Variants in ABL1 observed in about 807,000 individuals in gnomAD.
The protein encoded by ABL1 is tyrosine-protein kinase ABL1.
Under a neutral mutation model 94.7 loss-of-function variants are expected in ABL1, and 11 were observed. The observed-to-expected ratio is 0.12, with a 90% CI of 0.07 to 0.19. The LOEUF (loss-of-function observed/expected upper bound fraction) is 0.19. ABL1 is among the 10% of genes least tolerant of loss of function. The pLI is 1.00. For missense variants in ABL1, 1,082 were observed against 1,489.4 expected (o/e 0.73, Z 4.50); for synonymous variants, 656 against 622.4 (o/e 1.05, Z -0.80).
rs536319469 is a variant in ABL1 at position 130,780,200 on chromosome 9, T to A, written c.136+65745T>A. Reference sequence around the variant, plus strand: ...TACTCTGGAGGCTGAGGCAGGAGAATCGCTTGAACCCAGGCAGCAGAGGTT... The same window carrying A: ...TACTCTGGAGGCTGAGGCAGGAGAAACGCTTGAACCCAGGCAGCAGAGGTT... On this transcript the variant is annotated intron_variant, in intron 1 of 10. Transcript: ENST00000372348. 1.9e-3 allele frequency among the ~76,000 whole-genome samples: 292 copies of A among 152,194 alleles called. 4 individuals are homozygous for A. Among genetic ancestry groups the A allele is most frequent in the Non-Finnish European group, 6.3e-4 (43 of 68,002 alleles).
intron 1 of ABL1, among the ~76,000 whole-genome samples, chr9:130,754,996 G>A (rs1400357397): frequency 6.6e-6 from 1 of 152,160 alleles, no homozygotes; most frequent in Non-Finnish European, 1.5e-5. Context: ...TGAGTACCAA[G>A]CCAAAGATTT....
chr9:130,822,832 C>G (rs1042751593), intron 1 of ABL1, among the ~76,000 whole-genome samples: 7 of 151,602 alleles, frequency 4.6e-5, no homozygotes, highest in East Asian at 3.9e-4. Flanking sequence ...GAGTCTCGCT[C>G]TGTCACCCAG....
chr9:130,730,100 A>G (rs1277421887), intron 1 of ABL1, among the ~76,000 whole-genome samples: 18 of 133,326 alleles, frequency 1.4e-4, no homozygotes, highest in Admixed American at 3.3e-4. Flanking sequence ...CTGGAGTGCA[A>G]TGGTGCAATC....
chr9:130,810,026 A>G lies in ABL1; in HGVS notation c.137-44038A>G, dbSNP rs182249732. On this transcript the variant is annotated intron_variant, in intron 1 of 10. Coordinates refer to the ABL1 transcript ENST00000372348. ...AGGACCGAGTGTGGTAAAATGCACA[A>G]TGTTTACCAGCCATTCCAGAATTAC... 5.2e-4 allele frequency among the ~76,000 whole-genome samples: 79 copies of G among 152,342 alleles called. 1 individual carries two copies. Among genetic ancestry groups the G allele is most frequent in the African/African-American group, 1.6e-3 (67 of 41,580 alleles).
At chr9:130,832,910 A>T (rs1434438616), upstream of ABL1, among the ~76,000 whole-genome samples, 1 of 152,208 alleles carries the variant, frequency 6.6e-6, no homozygotes, top group Non-Finnish European at 1.5e-5. Context: ...ACAGAAGTGT[A>T]GTTTGGCAGT....
chr9:130,771,144 C>A (rs1832246117), intron 1 of ABL1, among the ~76,000 whole-genome samples: 1 of 152,218 alleles, frequency 6.6e-6, no homozygotes, highest in African/African-American at 2.4e-5. Context: ...CATGGTGGTG[C>A]TCCCTTCAAA....
chr9:130,797,322 T>TCAAAG (rs1829992810), intron 1 of ABL1, among the ~76,000 whole-genome samples: 1 of 150,634 alleles, frequency 6.6e-6, no homozygotes. Flanking sequence ...TTCTTGTCTT[T>TCAAAG]GGAGAACTTA....
intron 1 of ABL1, among the ~76,000 whole-genome samples, chr9:130,743,696 C>T (rs1388523489): frequency 6.6e-6 from 1 of 152,094 alleles, no homozygotes; most frequent in Non-Finnish European, 1.5e-5. Context: ...AAGTGGGTTT[C>T]CTAGGGCTAT....
chr9:130,771,524 C>G (rs1408719280), intron 1 of ABL1, among the ~76,000 whole-genome samples: 2 of 151,890 alleles, frequency 1.3e-5, no homozygotes, highest in Non-Finnish European at 2.9e-5. Context: ...TTTAAGTGTT[C>G]CAAATATCTT....
In ABL1 at chr9:130,835,455, G is replaced by C; in HGVS notation, c.9G>C (p.Glu3Asp). The change falls in exon 1 of 11, where the codon GAG (glutamate) becomes GAC (aspartate). Residue 3 changes from glutamate (E) to aspartate (D), a missense_variant. By Grantham distance (45) the Glu-to-Asp change is conservative (BLOSUM62 2). Coordinates refer to ENST00000318560, the MANE Select transcript of ABL1 (RefSeq NM_005157.6). This position sits in a 1 kb window ranked among gnomAD's most constrained non-coding sequence, Gnocchi z 4.6. MLEICLKLVGCKS... is the reference protein window; with the variant it reads MLDICLKLVGCKS... ...CGTGCTGGCGCGGGAAAATGTTGGA[G>C]ATCTGCCTGAAGCTGGTGGGCTGCA... The C allele has an allele frequency of 6.4e-7, 1 of 1,557,852 alleles. No individual in the cohort carries two copies. The highest frequency in any genetic ancestry group is 8.7e-7 in the Non-Finnish European group (1 of 1,150,050).
chr9:130,793,566 A>G (rs368454821), intron 1 of ABL1, among the ~76,000 whole-genome samples: 2 of 152,354 alleles, frequency 1.3e-5, no homozygotes, highest in Admixed American at 6.5e-5. Flanking sequence ...GAGTCTGTGC[A>G]AGCTGTGTCG....
chr9:130,721,235 C>T (rs11788172), intron 1 of ABL1, among the ~76,000 whole-genome samples: 9 of 151,646 alleles, frequency 5.9e-5, no homozygotes, highest in African/African-American at 9.7e-5. Context: ...AAAAATTAGT[C>T]GGCATGGTGG....
chr9:130,789,319 T>C (rs1385423767), intron 1 of ABL1, among the ~76,000 whole-genome samples: 2 of 152,250 alleles, frequency 1.3e-5, no homozygotes, highest in East Asian at 3.8e-4. Flanking sequence ...AACTTGTGGC[T>C]GCTGACCAGC....
At chr9:130,745,359 C>G (rs1423815981) in intron 1 of ABL1, among the ~76,000 whole-genome samples, 1 of 151,934 alleles carries the variant, frequency 6.6e-6, no homozygotes, top group African/African-American at 2.4e-5. Flanking sequence ...GCTGGGATTA[C>G]AGGCGTGAGT....
chr9:130,859,872 G>A (rs561844245), intron 3 of ABL1, among the ~76,000 whole-genome samples: 1 of 151,572 alleles, frequency 6.6e-6, no homozygotes, highest in African/African-American at 2.4e-5. Flanking sequence ...GTAGAGATGG[G>A]GTTTCACCAT....
At chr9:130,873,085 A>C (rs777375114) in intron 6 of ABL1, 48 bp downstream of exon 6, 1 of 1,574,402 alleles carries the variant, frequency 6.4e-7, no homozygotes, top group Admixed American at 1.8e-5. Flanking sequence ...CAGGGCGTGG[A>C]GCCGGGCAGC....
intron 1 of ABL1, among the ~76,000 whole-genome samples, chr9:130,738,345 C>T (rs1487218428): frequency 1.3e-5 from 2 of 151,930 alleles, no homozygotes; most frequent in African/African-American, 2.4e-5. Context: ...AGGCAGTAGT[C>T]GAATAACTTT....
intron 1 of ABL1, among the ~76,000 whole-genome samples, chr9:130,843,952 T>A (rs1027569779): frequency 2.6e-5 from 4 of 152,074 alleles, no homozygotes; most frequent in African/African-American, 9.7e-5. Context: ...ACCCCAGCCA[T>A]TTTTTGAGGG....
chr9:130,773,896 T>C (rs1832282975), intron 1 of ABL1, among the ~76,000 whole-genome samples: 1 of 152,176 alleles, frequency 6.6e-6, no homozygotes, highest in South Asian at 2.1e-4. Context: ...ATTAAGATAG[T>C]GAAAAGCCCA....
Sources: gnomAD v4.1 joint callset for allele counts (sites outside exome capture counted in the v4.1 genomes callset) on GRCh38, gnomAD v4.1.1 for gene constraint, Gnocchi (gnomAD v3.1) non-coding constraint, MANE v1.5 for transcripts, NCBI Gene and HGNC (gene_info 2026-07-23, HGNC 2026-07-21) for gene names.